FBXL17: variants seen among roughly 807,000 people sequenced by gnomAD.
FBXL17 encodes the protein F-box and leucine rich repeat protein 17.
Under a neutral mutation model 66.2 loss-of-function variants are expected in FBXL17, and 22 were observed. The ratio of observed to expected loss-of-function variants is 0.33; its 90% CI spans 0.24 to 0.47. FBXL17 has a LOEUF of 0.47. FBXL17 is among the 20% of genes least tolerant of loss of function. The pLI, the probability that FBXL17 is intolerant of heterozygous loss-of-function variation, is 1.00. For missense variants in FBXL17, 878 were observed against 948.2 expected, an observed-to-expected ratio of 0.93 and a Z score of 0.97; for synonymous variants, 474 against 400.5, an observed-to-expected ratio of 1.18 and a Z score of -2.19.
chr5:108,324,513 T>C (rs1759761422), intron 4 of FBXL17, among the ~76,000 whole-genome samples: 1 of 152,094 alleles, frequency 6.6e-6, no homozygotes, highest in African/African-American at 2.4e-5. Flanking sequence ...GCGACCACTA[T>C]GTAAAACAGT....
At chr5:107,883,819 C>T (rs140085920) in intron 7 of FBXL17, among the ~76,000 whole-genome samples, 37 of 152,268 alleles carry the variant, frequency 2.4e-4, no homozygotes, top group Non-Finnish European at 3.4e-4. Flanking sequence ...CCCCCTCACG[C>T]TTCAGGGAAA....
At chr5:108,146,535 A>G (rs1377309730) in intron 6 of FBXL17, among the ~76,000 whole-genome samples, 2 of 152,210 alleles carry the variant, frequency 1.3e-5, no homozygotes, top group African/African-American at 2.4e-5. Context: ...TCCTGAGAAA[A>G]TAAGAATCAA....
intron 7 of FBXL17, among the ~76,000 whole-genome samples, chr5:107,918,190 G>A (rs1304094695): frequency 1.3e-5 from 2 of 152,170 alleles, no homozygotes; most frequent in Non-Finnish European, 2.9e-5. Flanking sequence ...GAGCAATGGG[G>A]GCCTGCTGTG....
chr5:107,962,574 G>A (rs945373946), intron 7 of FBXL17, among the ~76,000 whole-genome samples: 1 of 151,876 alleles, frequency 6.6e-6, no homozygotes, highest in Non-Finnish European at 1.5e-5. Context: ...TGCATGCCAA[G>A]GGAAATTTTT....
At chr5:108,034,994 C>A (rs1220073379) in intron 6 of FBXL17, among the ~76,000 whole-genome samples, 4 of 151,914 alleles carry the variant, frequency 2.6e-5, no homozygotes, top group Admixed American at 2.6e-4. Context: ...GGAACCCTTC[C>A]CCCAATAAAC....
rs531172413 is a variant in FBXL17 at position 108,013,279 on chromosome 5, A to G, written c.1822+7646T>C. On this transcript the variant is annotated intron_variant, in intron 7 of 8. Coordinates refer to ENST00000542267, the MANE Select transcript of FBXL17 (RefSeq NM_001163315.3). ...TGCTGAATAAGACAGGAAAAGTCAC[A>G]ACAAAAATTGGAACTTACCCTGAAT... 1.1e-4 allele frequency among the ~76,000 whole-genome samples: 17 copies of G among 152,326 alleles called. No individual in the cohort carries two copies. The South Asian group carries it at 2.7e-3, about 24-fold the overall frequency.
chr5:107,963,452 C>A (rs1275530900), intron 7 of FBXL17, among the ~76,000 whole-genome samples: 1 of 151,974 alleles, frequency 6.6e-6, no homozygotes, highest in Non-Finnish European at 1.5e-5. Context: ...ATCTAATTTG[C>A]CACTAATTTT....
At chr5:108,225,287 T>C (rs1325716330) in intron 4 of FBXL17, among the ~76,000 whole-genome samples, 2 of 152,226 alleles carry the variant, frequency 1.3e-5, no homozygotes, top group Non-Finnish European at 2.9e-5. Context: ...ATTGTATGGA[T>C]ATACTACATT....
chr5:107,994,300 T>C (rs912547020), intron 7 of FBXL17, among the ~76,000 whole-genome samples: 5 of 152,128 alleles, frequency 3.3e-5, no homozygotes, highest in African/African-American at 9.7e-5. Context: ...TAATGTTTTT[T>C]TTTCTTCTTA....
intron 4 of FBXL17, among the ~76,000 whole-genome samples, chr5:108,330,784 A>C (rs899101561): frequency 1.3e-5 from 2 of 152,108 alleles, no homozygotes; most frequent in Non-Finnish European, 2.9e-5. Flanking sequence ...ACGTGCACAC[A>C]CATACATATG....
chr5:107,897,841 G>A (rs527644806), intron 7 of FBXL17, among the ~76,000 whole-genome samples: 4 of 151,774 alleles, frequency 2.6e-5, no homozygotes, highest in Middle Eastern at 3.4e-3. Flanking sequence ...GTCCAGATGT[G>A]CATGACTTCA....
chr5:107,993,830 A>G (rs1183802176), intron 7 of FBXL17, among the ~76,000 whole-genome samples: 1 of 152,186 alleles, frequency 6.6e-6, no homozygotes, highest in Admixed American at 6.5e-5. Context: ...TATGTAGCAA[A>G]CCAAAATTTA....
chr5:108,319,518 T>A (rs915551494), intron 4 of FBXL17, among the ~76,000 whole-genome samples: 1 of 151,812 alleles, frequency 6.6e-6, no homozygotes, highest in African/African-American at 2.4e-5. Context: ...TGAAATAATA[T>A]GAAGATTTTA....
chr5:108,335,081 T>C (rs1189771214), intron 4 of FBXL17, among the ~76,000 whole-genome samples: 1 of 152,230 alleles, frequency 6.6e-6, no homozygotes, highest in Non-Finnish European at 1.5e-5. Context: ...AACCTTTTTC[T>C]TAAGGCATTG....
At chr5:108,122,750 A>C (rs1750552612) in intron 6 of FBXL17, among the ~76,000 whole-genome samples, 1 of 152,176 alleles carries the variant, frequency 6.6e-6, no homozygotes, top group Non-Finnish European at 1.5e-5. Context: ...TATCTGCAAA[A>C]AGCTTTACAG....
chr5:108,371,904 A>G (rs1034092862), intron 1 of FBXL17, among the ~76,000 whole-genome samples: 1 of 152,156 alleles, frequency 6.6e-6, no homozygotes, highest in Non-Finnish European at 1.5e-5. Context: ...GAGACTCATT[A>G]GCTCAAGAGC....
intron 6 of FBXL17, among the ~76,000 whole-genome samples, chr5:108,043,328 C>A (rs78463157): frequency 3.9e-5 from 6 of 151,944 alleles, no homozygotes; most frequent in Non-Finnish European, 5.9e-5. Flanking sequence ...TTTTTCCCCC[C>A]CTAGGTTTCT....
At chr5:108,143,717 T>C (rs1267700045) in intron 6 of FBXL17, among the ~76,000 whole-genome samples, 2 of 138,498 alleles carry the variant, frequency 1.4e-5, no homozygotes, top group Non-Finnish European at 3.1e-5. Context: ...AACTTGCTTG[T>C]TTTCATGGGA....
At chr5:108,066,027 G>A (rs1370732307) in intron 6 of FBXL17, among the ~76,000 whole-genome samples, 2 of 152,116 alleles carry the variant, frequency 1.3e-5, no homozygotes, top group Admixed American at 6.5e-5. Context: ...TAGGTTTATG[G>A]AAGGGATTTT....
Sources: gnomAD v4.1 joint callset for allele counts (sites outside exome capture counted in the v4.1 genomes callset) on GRCh38, gnomAD v4.1.1 for gene constraint, MANE v1.5 for transcripts, NCBI Gene and HGNC (gene_info 2026-07-23, HGNC 2026-07-21) for gene names.